Variants in SCIN observed in about 807,000 individuals in gnomAD.
SCIN encodes adseverin.
A neutral mutation model predicts 91.8 loss-of-function variants in SCIN; 91 were observed. The ratio of observed to expected loss-of-function variants is 0.99; its 90% confidence interval spans 0.84 to 1.18. SCIN has a LOEUF of 1.18. Ranked by LOEUF, SCIN falls within the 50% of genes most tolerant of loss-of-function variation. The pLI, the probability that SCIN is intolerant of heterozygous loss-of-function variation, is 0.00. For missense variants in SCIN, 1,087 were observed against 863.9 expected, an observed-to-expected ratio of 1.26 and a Z score of -3.24; for synonymous variants, 367 against 312.6, an observed-to-expected ratio of 1.17 and a Z score of -1.84.
intron 10 of SCIN, among the ~76,000 whole-genome samples, chr7:12,637,013 C>T (rs187073352): frequency 1.3e-5 from 2 of 152,086 alleles, no homozygotes; most frequent in African/African-American, 4.8e-5. Context: ...TTCCTAGAGC[C>T]TCTGGAAAGG....
At chr7:12,618,477 C>G (rs1783341446) in intron 4 of SCIN, among the ~76,000 whole-genome samples, 1 of 152,148 alleles carries the variant, frequency 6.6e-6, no homozygotes, top group Non-Finnish European at 1.5e-5. Context: ...AAATCACCCT[C>G]TATTTTACTT....
intron 1 of SCIN, 36 bp from the exon 2 acceptor site, chr7:12,578,028 G>A: frequency 6.7e-7 from 1 of 1,489,456 alleles, no homozygotes; most frequent in Non-Finnish European, 8.9e-7. Context: ...CCTTTCTCTT[G>A]CTTGATAATT....
At chr7:12,591,315 G>C (rs780682976) in intron 3 of SCIN, among the ~76,000 whole-genome samples, 3 of 152,140 alleles carry the variant, frequency 2.0e-5, no homozygotes, top group Non-Finnish European at 4.4e-5. Context: ...AGGAGATCTT[G>C]TAGATTATGA....
chr7:12,574,159 A>G (rs979232085), intron 1 of SCIN, among the ~76,000 whole-genome samples: 1 of 152,200 alleles, frequency 6.6e-6, no homozygotes, highest in Non-Finnish European at 1.5e-5. Flanking sequence ...GCTTTTCAAC[A>G]GGTGACTGGT....
chr7:12,600,631 C>G (rs1034628204), intron 3 of SCIN, among the ~76,000 whole-genome samples: 3 of 152,158 alleles, frequency 2.0e-5, no homozygotes, highest in African/African-American at 7.2e-5. Context: ...TTGGGCTCAG[C>G]AGAAAAGTCT....
At chr7:12,608,323 A>ACACATG (rs1554293589) in intron 4 of SCIN, among the ~76,000 whole-genome samples, 1 of 47,360 alleles carries the variant, frequency 2.1e-5, no homozygotes, top group East Asian at 7.7e-4. Flanking sequence ...GCACACATGC[A>ACACATG]CACACACACA....
At chr7:12,600,182 G>A (rs533581851) in intron 3 of SCIN, among the ~76,000 whole-genome samples, 7 of 152,280 alleles carry the variant, frequency 4.6e-5, no homozygotes, top group African/African-American at 9.6e-5. Context: ...AAAGAGGAAC[G>A]AAATAATGGC....
intron 3 of SCIN, among the ~76,000 whole-genome samples, chr7:12,588,136 C>A (rs1437817585): frequency 6.6e-6 from 1 of 152,088 alleles, no homozygotes; most frequent in Non-Finnish European, 1.5e-5. Context: ...TAATGCATAC[C>A]ACTAGATTTA....
intron 9 of SCIN, among the ~76,000 whole-genome samples, chr7:12,634,708 T>C (rs1471283041): frequency 6.6e-6 from 1 of 152,176 alleles, no homozygotes; most frequent in African/African-American, 2.4e-5. Flanking sequence ...GTTTTGTTTT[T>C]TTACTGTCTT....
intron 4 of SCIN, among the ~76,000 whole-genome samples, chr7:12,621,437 A>C (rs1296427283): frequency 6.6e-6 from 1 of 152,092 alleles, no homozygotes; most frequent in Non-Finnish European, 1.5e-5. Context: ...GTGTGCCTCA[A>C]ATCCCAGACT....
chr7:12,621,637 GTTTTTTT>G (rs60697843), intron 4 of SCIN, among the ~76,000 whole-genome samples: 1 of 106,372 alleles, frequency 9.4e-6, no homozygotes, highest in African/African-American at 3.6e-5. Context: ...AAGTGTTTTA[GTTTTTTT>G]TTTTTTTTTT....
intron 9 of SCIN, among the ~76,000 whole-genome samples, chr7:12,634,818 C>A (rs990707800): frequency 6.6e-6 from 1 of 152,124 alleles, no homozygotes; most frequent in Non-Finnish European, 1.5e-5. Context: ...AGAGAGGCTA[C>A]GAATGAACTG....
At chr7:12,597,581 C>T (rs934622883) in intron 3 of SCIN, among the ~76,000 whole-genome samples, 1 of 152,184 alleles carries the variant, frequency 6.6e-6, no homozygotes, top group Admixed American at 6.5e-5. Context: ...TTTCTGTCCT[C>T]AAATGATGTC....
chr7:12,650,607 C>T (rs149739136), intron 14 of SCIN, among the ~76,000 whole-genome samples: 46 of 152,096 alleles, frequency 3.0e-4, no homozygotes, highest in Admixed American at 6.5e-4. Context: ...TGTAAGTGAC[C>T]GAAATTGCTC....
chr7:12,624,095 C>G (rs1353178761), intron 5 of SCIN, among the ~76,000 whole-genome samples: 1 of 152,146 alleles, frequency 6.6e-6, no homozygotes, highest in African/African-American at 2.4e-5. Flanking sequence ...TCTAGTGGAG[C>G]TATGCTGTAT....
chr7:12,592,429 G>T (rs1161800574), intron 3 of SCIN, among the ~76,000 whole-genome samples: 1 of 152,246 alleles, frequency 6.6e-6, no homozygotes, highest in South Asian at 2.1e-4. Context: ...GGCCCTTTTG[G>T]TGGGTTAGAG....
In SCIN at chr7:12,604,712, T is replaced by C. The variant is rs1334071758; in HGVS notation, c.666+49T>C. 4.3e-6 allele frequency: 6 copies of C among 1,408,030 alleles called. No individual in the cohort carries two copies. The African/African-American group carries it at 5.9e-5, about 14-fold the overall frequency. 87.2% of individuals were successfully genotyped at this position (1,408,030 alleles called of 1,614,324 possible). ...TAAAGGGTTACCACTCCAACTCGTA[T>C]GTGTCTGTGTGGTGTGTGTGTGTGT... On this transcript the variant is annotated intron_variant, in intron 4 of 15. Transcript: ENST00000297029.
Position 12,626,805 on chromosome 7 carries a change from T to C in SCIN, c.1197+6T>C, listed in dbSNP as rs1583308358. On this transcript the variant is annotated splice_donor_region_variant and intron_variant, in intron 8 of 15. Transcript: ENST00000297029. ...ATGGTTCTGGCAAAGTGGAGGTATT[T>C]ACCTGTTTTTGTTTTTATCAAGCCC... The C allele has an allele frequency of 3.1e-6, 5 of 1,598,680 alleles. No individual in the cohort carries two copies. The East Asian group carries it at 1.1e-4, about 36-fold the overall frequency.
chr7:12,609,628 G>A (rs188982028), intron 4 of SCIN, among the ~76,000 whole-genome samples: 10 of 152,148 alleles, frequency 6.6e-5, no homozygotes, highest in Admixed American at 5.2e-4. Flanking sequence ...TGAAGAAAGG[G>A]CAAGTTGTTT....
Sources: allele counts gnomAD v4.1 joint callset (sites outside exome capture counted in the v4.1 genomes callset), GRCh38; gene constraint gnomAD v4.1.1; transcripts MANE v1.5; gene names NCBI Gene and HGNC (gene_info 2026-07-23, HGNC 2026-07-21).